Variants in PTGER3 observed in about 807,000 individuals in gnomAD.
PTGER3 encodes the protein prostaglandin E receptor 3.
A neutral mutation model predicts 34.7 loss-of-function variants in PTGER3; 22 were observed. The ratio of observed to expected loss-of-function variants is 0.63; its 90% CI spans 0.45 to 0.91. The LOEUF (loss-of-function observed/expected upper bound fraction) is 0.91. PTGER3 is among the 40% of genes least tolerant of loss of function. The pLI, the probability that PTGER3 is intolerant of heterozygous loss-of-function variation, is 0.00. For synonymous variants in PTGER3, 241 were observed against 230.1 expected, an observed-to-expected ratio of 1.05 and a Z score of -0.43; for missense variants, 468 against 519.4, an observed-to-expected ratio of 0.90 and a Z score of 0.96.
At chr1:70,951,612 T>C (rs1263126401), downstream of PTGER3, 1 of 152,118 alleles carries the variant, frequency 6.6e-6, no homozygotes, top group Non-Finnish European at 1.5e-5. Context: ...AGGAAAAGAA[T>C]AACAATATTA....
At chr1:70,982,692 T>TA (rs1464996845) in intron 2 of PTGER3, among the ~76,000 whole-genome samples, 1 of 152,178 alleles carries the variant, frequency 6.6e-6, no homozygotes, top group African/African-American at 2.4e-5. Flanking sequence ...TTTGCAGAGC[T>TA]AAAAAATTTA....
chr1:70,862,991 T>C (rs1490752844), intron 4 of PTGER3, among the ~76,000 whole-genome samples: 1 of 151,830 alleles, frequency 6.6e-6, no homozygotes, highest in Non-Finnish European at 1.5e-5. Flanking sequence ...TGGAGAGAGG[T>C]CAACAGATCG....
At chr1:70,925,911 G>T (rs1648033980) in intron 4 of PTGER3, among the ~76,000 whole-genome samples, 1 of 151,914 alleles carries the variant, frequency 6.6e-6, no homozygotes, top group Non-Finnish European at 1.5e-5. Context: ...ATTAAATATT[G>T]CACTAAAAAA....
chr1:70,973,198 TAGATG>T, intron 3 of PTGER3, among the ~76,000 whole-genome samples: 1 of 139,464 alleles, frequency 7.2e-6, no homozygotes, highest in Non-Finnish European at 1.6e-5. Flanking sequence ...TAGATATAGA[TAGATG>T]ATAGATAGAT....
Position 71,044,051 on chromosome 1 carries a change from A to G in PTGER3, c.897+2630T>C, listed in dbSNP as rs147056826. ...TGCTGGTCTCGAACTGCTGACCTCA[A>G]ATGATCCACTCACCTCGGCCTCCCA... is the stretch of plus-strand genomic sequence containing the variant. On this transcript the variant is annotated intron_variant, in intron 1 of 3. Transcript: ENST00000306666. Among the ~76,000 whole-genome samples the G allele has an allele frequency of 9.0e-3, 1,369 of 151,312 alleles. 32 individuals carry two copies. The highest frequency in any genetic ancestry group is 0.031 in the African/African-American group (1,292 of 41,318).
chr1:71,023,695 C>G (rs1658629073), intron 1 of PTGER3, among the ~76,000 whole-genome samples: 1 of 151,890 alleles, frequency 6.6e-6, no homozygotes, highest in African/African-American at 2.4e-5. Context: ...AAAACAGAAA[C>G]CTGGGAGTTA....
intron 2 of PTGER3, among the ~76,000 whole-genome samples, chr1:70,988,694 A>G (rs1289647215): frequency 6.6e-6 from 1 of 152,204 alleles, no homozygotes; most frequent in Non-Finnish European, 1.5e-5. Flanking sequence ...TCCAGAATTT[A>G]CATAAATAGG....
At chr1:71,028,268 T>TTC (rs757366205) in intron 1 of PTGER3, among the ~76,000 whole-genome samples, 1 of 152,182 alleles carries the variant, frequency 6.6e-6, no homozygotes, top group African/African-American at 2.4e-5. Flanking sequence ...AAAACACAGC[T>TTC]TCTCTCTCCT....
chr1:70,907,221 G>A (rs1418282854), intron 4 of PTGER3, among the ~76,000 whole-genome samples: 2 of 152,138 alleles, frequency 1.3e-5, no homozygotes, highest in East Asian at 1.9e-4. Flanking sequence ...GGCATTTCAG[G>A]GTCCAAACTA....
At chr1:70,950,623 TA>T (rs2100581473), downstream of PTGER3, 1 of 152,354 alleles carries the variant, frequency 6.6e-6, no homozygotes, top group South Asian at 2.1e-4. Context: ...TACAGAGAGC[TA>T]AAACTGATTT....
At chr1:71,008,111 GTTAC>G (rs1211215143) in intron 2 of PTGER3, 7 of 980,434 alleles carry the variant, frequency 7.1e-6, no homozygotes, top group African/African-American at 1.8e-5. Flanking sequence ...AATTATGTCT[GTTAC>G]TTTCTTTCTG....
chr1:71,045,689 AAAC>A (rs1274591653), intron 1 of PTGER3, among the ~76,000 whole-genome samples: 1 of 152,146 alleles, frequency 6.6e-6, no homozygotes, highest in Non-Finnish European at 1.5e-5. Flanking sequence ...GGACATGGAG[AAAC>A]CTCTACCTCC....
At chr1:71,042,419 A>G (rs1445466783) in intron 1 of PTGER3, among the ~76,000 whole-genome samples, 1 of 151,868 alleles carries the variant, frequency 6.6e-6, no homozygotes, top group African/African-American at 2.4e-5. Flanking sequence ...CCTATCTTGT[A>G]TTATAATTCT....
chr1:71,031,771 T>C (rs190073670), intron 1 of PTGER3, among the ~76,000 whole-genome samples: 1 of 152,330 alleles, frequency 6.6e-6, no homozygotes, highest in East Asian at 1.9e-4. Flanking sequence ...ATATGCTCTT[T>C]GCACTTGGAG....
chr1:70,932,514 G>A (rs1648805983), intron 4 of PTGER3, among the ~76,000 whole-genome samples: 1 of 152,170 alleles, frequency 6.6e-6, no homozygotes, highest in African/African-American at 2.4e-5. Flanking sequence ...ACATGGCTGA[G>A]GAGGCCTCAG....
At chr1:71,045,633 T>C (rs1286347568) in intron 1 of PTGER3, among the ~76,000 whole-genome samples, 1 of 152,196 alleles carries the variant, frequency 6.6e-6, no homozygotes, top group Non-Finnish European at 1.5e-5. Context: ...AAAGAGCCTC[T>C]GCAAACATCC....
In PTGER3 at chr1:71,041,161, G is replaced by A. The variant is rs376378669; in HGVS notation, c.897+5520C>T. On this transcript the variant is annotated intron_variant, in intron 1 of 3. Transcript: ENST00000306666. Reference sequence around the variant, plus strand: ...AAAATATTGTTAAGTTGAATATATTGTAAGATCAAAGATGCGTTTAATACG... The same window carrying A: ...AAAATATTGTTAAGTTGAATATATTATAAGATCAAAGATGCGTTTAATACG... Among the ~76,000 whole-genome samples the A allele has an allele frequency of 2.2e-4, 34 of 152,278 alleles. 1 individual carries two copies. In the East Asian group the frequency reaches 4.0e-3, roughly 18 times the overall value.
At chr1:70,902,072 A>G (rs1183563479) in intron 4 of PTGER3, among the ~76,000 whole-genome samples, 1 of 152,156 alleles carries the variant, frequency 6.6e-6, no homozygotes, top group Non-Finnish European at 1.5e-5. Flanking sequence ...CACCCGAAAA[A>G]AATATATTTT....
chr1:70,899,259 G>C (rs1233515619), intron 4 of PTGER3, among the ~76,000 whole-genome samples: 1 of 152,148 alleles, frequency 6.6e-6, no homozygotes, highest in Non-Finnish European at 1.5e-5. Flanking sequence ...GTGGGGAATA[G>C]AGACAATTAC....
Sources: gnomAD v4.1 joint callset for allele counts (sites outside exome capture counted in the v4.1 genomes callset) on GRCh38, gnomAD v4.1.1 for gene constraint, MANE v1.5 for transcripts, NCBI Gene and HGNC (gene_info 2026-07-23, HGNC 2026-07-21) for gene names.